ZFHX3: variants seen among roughly 807,000 people sequenced by gnomAD.
The protein encoded by ZFHX3 is zinc finger homeobox protein 3.
A neutral mutation model predicts 279.1 loss-of-function variants in ZFHX3; 42 were observed. That is an observed-to-expected ratio of 0.15 (90% CI 0.12 to 0.19). The LOEUF is 0.19. Ranked by LOEUF, ZFHX3 falls within the 10% of genes least tolerant of loss-of-function variation. ZFHX3 has a pLI of 1.00. For missense variants in ZFHX3, 4,981 were observed against 4,754.0 expected (o/e 1.05, Z -1.40); for synonymous variants, 2,293 against 1,957.8 (o/e 1.17, Z -4.52).
At chr16:73,514,631 C>T (rs1232405194) in intron 2 of ZFHX3, among the ~76,000 whole-genome samples, 1 of 152,144 alleles carries the variant, frequency 6.6e-6, no homozygotes, top group Non-Finnish European at 1.5e-5. Flanking sequence ...CTTTGAGATA[C>T]GTGTTATTAT....
chr16:73,278,652 T>C (rs2143053007), intron 4 of ZFHX3, among the ~76,000 whole-genome samples: 1 of 152,342 alleles, frequency 6.6e-6, no homozygotes, highest in Middle Eastern at 3.4e-3. Flanking sequence ...TTTTGTCCTA[T>C]CAGAGTGCTC....
chr16:73,385,320 G>A (rs967078368), intron 3 of ZFHX3, among the ~76,000 whole-genome samples: 1 of 152,176 alleles, frequency 6.6e-6, no homozygotes, highest in African/African-American at 2.4e-5. Context: ...CCGTCTGACT[G>A]TGGCTGAGCA....
At chr16:73,775,678 G>T (rs936658036) in intron 1 of ZFHX3, among the ~76,000 whole-genome samples, 3 of 152,154 alleles carry the variant, frequency 2.0e-5, no homozygotes, top group African/African-American at 7.2e-5. Flanking sequence ...TAATTATTCG[G>T]CTCTACCTTA....
At chr16:73,419,540 C>T (rs149352537) in intron 3 of ZFHX3, among the ~76,000 whole-genome samples, 23 of 152,236 alleles carry the variant, frequency 1.5e-4, no homozygotes, top group African/African-American at 4.1e-4. Context: ...AAGCTATTTA[C>T]GTAAGGCTGG....
intron 4 of ZFHX3, among the ~76,000 whole-genome samples, chr16:73,283,724 A>T (rs2014517235): frequency 6.6e-6 from 1 of 152,248 alleles, no homozygotes; most frequent in South Asian, 2.1e-4. Flanking sequence ...TACTTTAAAA[A>T]TACATTTTAA....
chr16:73,207,331 C>G (rs2011847557), intron 5 of ZFHX3, among the ~76,000 whole-genome samples: 1 of 152,174 alleles, frequency 6.6e-6, no homozygotes, highest in Non-Finnish European at 1.5e-5. Flanking sequence ...AAACGTTGTT[C>G]ACTTTCCTCT....
chr16:73,424,542 C>T (rs113267702), intron 3 of ZFHX3, among the ~76,000 whole-genome samples: 15 of 151,872 alleles, frequency 9.9e-5, no homozygotes, highest in Non-Finnish European at 5.9e-5. Context: ...TCCAGGAGCT[C>T]GAGACTGGCC....
chr16:73,721,650 T>C (rs1004126665), intron 1 of ZFHX3, among the ~76,000 whole-genome samples: 10 of 152,198 alleles, frequency 6.6e-5, no homozygotes, highest in African/African-American at 2.2e-4. Flanking sequence ...AAGGAAGCGA[T>C]GTTTGGTTCT....
chr16:72,893,942 G>T lies in ZFHX3; in HGVS notation c.3217-3980C>A, dbSNP rs145693282. Among the ~76,000 whole-genome samples, 93 of 152,186 alleles carry T rather than the reference G, an allele frequency of 6.1e-4. 1 individual carries two copies. The East Asian group carries it at 0.016, about 26-fold the overall frequency. The stretch of plus-strand genomic sequence containing the variant: ...AGGTGGGCACATCACCTGAGGTCAG[G>T]AGTTCAAAACCAGCCTGGCCAACAT... On this transcript the variant is annotated intron_variant, in intron 3 of 9. Transcript: ENST00000268489.
intron 1 of ZFHX3, among the ~76,000 whole-genome samples, chr16:73,732,875 A>G (rs114420803): frequency 1.0e-3 from 156 of 152,290 alleles, no homozygotes; most frequent in Middle Eastern, 3.4e-3. Flanking sequence ...CCATGCCTAT[A>G]AGCTGCATTA....
intron 4 of ZFHX3, among the ~76,000 whole-genome samples, chr16:73,258,394 G>C (rs1170882417): frequency 6.6e-6 from 1 of 150,770 alleles, no homozygotes; most frequent in Non-Finnish European, 1.5e-5. Flanking sequence ...CTGTCTCCCA[G>C]GTTGGAGTGC....
chr16:73,497,962 T>C (rs1005144106), intron 2 of ZFHX3, among the ~76,000 whole-genome samples: 2 of 152,216 alleles, frequency 1.3e-5, no homozygotes, highest in Admixed American at 6.5e-5. Flanking sequence ...AAGTTATAAA[T>C]AATTTGACAA....
At chr16:73,455,646 G>A (rs1244940144) in intron 3 of ZFHX3, among the ~76,000 whole-genome samples, 1 of 152,074 alleles carries the variant, frequency 6.6e-6, no homozygotes, top group Non-Finnish European at 1.5e-5. Context: ...AATACTATGA[G>A]CATTGTAAAT....
At chr16:73,582,234 G>C (rs966747719) in intron 2 of ZFHX3, among the ~76,000 whole-genome samples, 6 of 151,734 alleles carry the variant, frequency 4.0e-5, no homozygotes, top group Non-Finnish European at 8.8e-5. Context: ...TTTCCCTAAA[G>C]GAGTTCTGGA....
At chr16:72,832,568 A>G (rs1206072539) in intron 4 of ZFHX3, among the ~76,000 whole-genome samples, 1 of 152,250 alleles carries the variant, frequency 6.6e-6, no homozygotes, top group Non-Finnish European at 1.5e-5. Flanking sequence ...TTCATTCACT[A>G]AAAGGCTGTT....
At chr16:72,847,755 G>A (rs1338656404) in intron 4 of ZFHX3, among the ~76,000 whole-genome samples, 6 of 152,022 alleles carry the variant, frequency 3.9e-5, no homozygotes, top group Admixed American at 2.0e-4. Flanking sequence ...CGCAAAGCAG[G>A]GGAGAGTAAG....
chr16:73,389,070 A>G (rs1048246502), intron 3 of ZFHX3: 1 of 152,194 alleles, frequency 6.6e-6, no homozygotes, highest in Non-Finnish European at 1.5e-5. Context: ...AAAGACGCGC[A>G]TATGTATATT....
chr16:73,799,865 G>A (rs328399), intron 1 of ZFHX3, among the ~76,000 whole-genome samples: 65,555 of 151,654 alleles, frequency 0.43, 14,561 homozygotes, highest in African/African-American at 0.54. Flanking sequence ...TACCAAACAC[G>A]CACATAGGAT....
At chr16:73,555,725 A>C (rs923403982) in intron 2 of ZFHX3, among the ~76,000 whole-genome samples, 1 of 151,856 alleles carries the variant, frequency 6.6e-6, no homozygotes, top group South Asian at 2.1e-4. Context: ...CCAGCTACTG[A>C]GCAGGCTGAG....
Sources: allele counts gnomAD v4.1 joint callset (sites outside exome capture counted in the v4.1 genomes callset), GRCh38; gene constraint gnomAD v4.1.1; transcripts MANE v1.5; gene names NCBI Gene and HGNC (gene_info 2026-07-23, HGNC 2026-07-21).